The following RGS5 variants were observed in gnomAD, a reference collection of about 807,000 sequenced individuals.
RGS5 encodes regulator of G-protein signalling 5.
Under a neutral mutation model 18.9 loss-of-function variants are expected in RGS5, and 20 were observed. That is an observed-to-expected ratio of 1.06 (90% CI 0.74 to 1.54). The LOEUF is 1.54. Ranked by LOEUF, RGS5 falls within the 40% of genes most tolerant of loss-of-function variation. RGS5 has a pLI of 0.00. For missense variants in RGS5, 201 were observed against 211.8 expected, an observed-to-expected ratio of 0.95 and a Z score of 0.32; for synonymous variants, 57 against 76.2, an observed-to-expected ratio of 0.75 and a Z score of 1.31.
chr1:163,171,388 G>C lies in RGS5; in HGVS notation c.45-3020C>G, dbSNP rs1257373246. ...TAATCCATATCCTCCTGGCTCCATA[G>C]GTCCCTCCCTTCCTGTGCACCCATC... On this transcript the variant is annotated intron_variant, in intron 1 of 4. Transcript: ENST00000313961. Among the ~76,000 whole-genome samples, 4 of 152,204 alleles carry C rather than the reference G, an allele frequency of 2.6e-5. No individual in the cohort carries two copies. The East Asian group carries it at 7.7e-4, about 29-fold the overall frequency.
intron 2 of RGS5, among the ~76,000 whole-genome samples, chr1:163,224,813 T>C (rs1402375769): frequency 1.3e-5 from 2 of 152,266 alleles, no homozygotes; most frequent in African/African-American, 4.8e-5. Flanking sequence ...CTTTTTCATA[T>C]ATTCTTTAGC....
rs186459309 is a variant in RGS5, at chr1:163,180,989, C to T, written c.45-12621G>A. On this transcript the variant is annotated intron_variant, in intron 1 of 4. Coordinates refer to ENST00000313961, the MANE Select transcript of RGS5 (RefSeq NM_003617.4). ...TATTACAGGCGTGAGCCACCGCGCC[C>T]GCCCCCCTGTTCTTATCCCTAGCAA... 7.2e-5 allele frequency among the ~76,000 whole-genome samples: 11 copies of T among 152,148 alleles called. No individual in the cohort carries two copies. The East Asian group carries it at 1.4e-3, about 19-fold the overall frequency.
At chr1:163,310,775 G>C (rs559288830) in intron 1 of RGS5, among the ~76,000 whole-genome samples, 14 of 152,168 alleles carry the variant, frequency 9.2e-5, no homozygotes, top group Non-Finnish European at 2.1e-4. Context: ...CTCCTATAAA[G>C]AACTGCCTGA....
At chr1:163,147,579 T>C (rs1571205553) in intron 4 of RGS5, 76 bp from the exon 5 acceptor site, 2 of 1,280,862 alleles carry the variant, frequency 1.6e-6, no homozygotes, top group South Asian at 3.9e-5. Context: ...GGAGGTGGAA[T>C]TTCTCATCAA....
At chr1:163,238,618 A>G (rs769373000) in intron 2 of RGS5, 18 of 224,964 alleles carry the variant, frequency 8.0e-5, no homozygotes, top group Admixed American at 6.9e-4. Flanking sequence ...CAGAAAATGC[A>G]AAACGCTTGG....
At chr1:163,170,910 C>T (rs1327446157) in intron 1 of RGS5, among the ~76,000 whole-genome samples, 1 of 152,100 alleles carries the variant, frequency 6.6e-6, no homozygotes, top group African/African-American at 2.4e-5. Context: ...CTTAAATTAT[C>T]TAATGTTTAG....
At chr1:163,316,545 G>GATGAC (rs1161170416) in intron 1 of RGS5, among the ~76,000 whole-genome samples, 1 of 150,780 alleles carries the variant, frequency 6.6e-6, no homozygotes, top group Non-Finnish European at 1.5e-5. Context: ...AGTAAGCTAT[G>GATGAC]ATGACACCAG....
In RGS5 at chr1:163,201,308, T is replaced by G. The variant is rs560877033; in HGVS notation, c.44+1484A>C. Among the ~76,000 whole-genome samples the G allele has an allele frequency of 1.2e-4, 19 of 152,204 alleles. No homozygotes were observed. In the Middle Eastern group the frequency reaches 0.01, roughly 82 times the overall value. On this transcript the variant is annotated intron_variant, in intron 1 of 4. Transcript: ENST00000313961. The stretch of plus-strand genomic sequence containing the variant: ...GAAAGGCACAGAAAACTTTCCCTAT[T>G]TCTTAGGCTTTCTATATACTAGGTA...
intron 2 of RGS5, among the ~76,000 whole-genome samples, chr1:163,290,589 T>C (rs1218827407): frequency 2.0e-5 from 3 of 151,930 alleles, no homozygotes; most frequent in African/African-American, 7.3e-5. Context: ...ATATCACATT[T>C]TCTCTCTCAT....
chr1:163,206,907 T>C (rs1361099078), upstream of RGS5: 1 of 152,206 alleles, frequency 6.6e-6, no homozygotes, highest in Non-Finnish European at 1.5e-5. Flanking sequence ...TAATTATTGG[T>C]ATGTGTTTTG....
At chr1:163,159,058 C>T (rs917642303) in intron 3 of RGS5, among the ~76,000 whole-genome samples, 1 of 152,198 alleles carries the variant, frequency 6.6e-6, no homozygotes, top group African/African-American at 2.4e-5. Flanking sequence ...AGAAATATGT[C>T]TCTGTTCCAC....
At chr1:163,313,693 T>G (rs1479903069) in intron 1 of RGS5, among the ~76,000 whole-genome samples, 4 of 152,190 alleles carry the variant, frequency 2.6e-5, no homozygotes, top group Non-Finnish European at 5.9e-5. Context: ...GAACCCTTCA[T>G]AGGTCTATAT....
chr1:163,169,473 T>C (rs1340985271), intron 1 of RGS5, among the ~76,000 whole-genome samples: 7 of 152,094 alleles, frequency 4.6e-5, no homozygotes, highest in South Asian at 2.1e-4. Flanking sequence ...GTTTACAGTC[T>C]CACCAACAGT....
intron 2 of RGS5, among the ~76,000 whole-genome samples, chr1:163,254,591 G>T (rs1294378911): frequency 6.6e-6 from 1 of 152,140 alleles, no homozygotes; most frequent in African/African-American, 2.4e-5. Flanking sequence ...CTCCCATTTT[G>T]TAGGTTGCCT....
chr1:163,179,217 T>C (rs1230507179), intron 1 of RGS5, among the ~76,000 whole-genome samples: 1 of 152,206 alleles, frequency 6.6e-6, no homozygotes, highest in East Asian at 1.9e-4. Context: ...AGGGCCTGGA[T>C]ATTGGAGGCA....
intron 2 of RGS5, among the ~76,000 whole-genome samples, chr1:163,255,431 T>A (rs1648245974): frequency 6.6e-6 from 1 of 152,162 alleles, no homozygotes; most frequent in South Asian, 2.1e-4. Context: ...ACTCTCTGAA[T>A]ATACCAATAA....
chr1:163,244,930 C>T (rs568124588), intron 2 of RGS5: 3 of 152,216 alleles, frequency 2.0e-5, no homozygotes, highest in African/African-American at 7.2e-5. Context: ...CAGATAACAC[C>T]CACTTTTCAT....
intron 2 of RGS5, among the ~76,000 whole-genome samples, chr1:163,295,582 C>G (rs2101728492): frequency 6.6e-6 from 1 of 152,288 alleles, no homozygotes; most frequent in South Asian, 2.1e-4. Context: ...AACCACTACA[C>G]AATATTGGTT....
intron 2 of RGS5, among the ~76,000 whole-genome samples, chr1:163,166,199 G>A (rs542774021): frequency 6.6e-6 from 1 of 152,198 alleles, no homozygotes; most frequent in East Asian, 1.9e-4. Flanking sequence ...CAGGGAAAAA[G>A]GGCTACTAAA....
Sources: allele counts gnomAD v4.1 joint callset (sites outside exome capture counted in the v4.1 genomes callset), GRCh38; gene constraint gnomAD v4.1.1; transcripts MANE v1.5; gene names NCBI Gene and HGNC (gene_info 2026-07-23, HGNC 2026-07-21).